The following SEL1L3 variants were observed in gnomAD, a reference collection of about 807,000 sequenced individuals.
SEL1L3 encodes SEL1L family member 3, also known as protein sel-1 homolog 3.
In SEL1L3, 76 loss-of-function variants were observed where a neutral mutation model predicts 142.8. The ratio of observed to expected loss-of-function variants is 0.53; its 90% CI spans 0.44 to 0.64. The LOEUF is 0.64. Ranked by LOEUF, SEL1L3 falls within the 30% of genes least tolerant of loss-of-function variation. SEL1L3 has a pLI of 0.00. For missense variants in SEL1L3, 1,262 were observed against 1,381.7 expected (o/e 0.91, Z 1.37); for synonymous variants, 504 against 519.6 (o/e 0.97, Z 0.41).
intron 1 of SEL1L3, among the ~76,000 whole-genome samples, chr4:25,861,329 TA>T (rs1717692655): frequency 6.6e-6 from 1 of 152,228 alleles, no homozygotes; most frequent in African/African-American, 2.4e-5. Flanking sequence ...AAATATGAAG[TA>T]AGCCCAACCA....
At chr4:25,832,947 T>C in intron 5 of SEL1L3, 48 bp downstream of exon 5, 1 of 1,203,072 alleles carries the variant, frequency 8.3e-7, no homozygotes, top group Non-Finnish European at 1.2e-6. Context: ...TGCTTAACTT[T>C]AAGCGAAAAT....
chr4:25,762,298 A>G (rs1200340042), intron 20 of SEL1L3, among the ~76,000 whole-genome samples: 1 of 152,234 alleles, frequency 6.6e-6, no homozygotes, highest in Non-Finnish European at 1.5e-5. Context: ...TTCTCAGATT[A>G]TAAGGAAAGT....
At chr4:25,765,468 A>T in intron 19 of SEL1L3, 33 bp from the exon 20 acceptor site, 1 of 1,459,664 alleles carries the variant, frequency 6.9e-7, no homozygotes, top group South Asian at 1.2e-5. Context: ...CCATTTGTCA[A>T]GTGGTTTTTT....
chr4:25,847,390 G>A lies in SEL1L3; in HGVS notation c.637C>T (p.Arg213Cys), dbSNP rs1426119802. The A allele has an allele frequency of 2.5e-6, 4 of 1,613,832 alleles. No homozygotes were observed. The highest frequency in any genetic ancestry group is 1.3e-5 in the African/African-American group (1 of 74,926). Residue 213 changes from arginine to cysteine, a missense_variant, in exon 2 of 24, where the codon CGC becomes TGC. Transcript: ENST00000399878. ...TLLQTIPPFE[R>C]PFKDHQVCLE... is the part of the protein sequence containing the mutation. ...CACACTTGATGATCTTTGAAAGGGC[G>A]TTCAAAAGGCGGGATGGTCTGCAGG...
chr4:25,832,257 A>G (rs1258939555), intron 5 of SEL1L3, among the ~76,000 whole-genome samples: 2 of 152,196 alleles, frequency 1.3e-5, no homozygotes, highest in East Asian at 1.9e-4. Context: ...CCACAAGACA[A>G]ACAAAATGCC....
At chr4:25,765,305 T>A in intron 20 of SEL1L3, 21 bp downstream of exon 20, 1 of 1,538,560 alleles carries the variant, frequency 6.5e-7, no homozygotes, top group Non-Finnish European at 9.0e-7. Flanking sequence ...AGAGCTGGTT[T>A]TTGTTGCGGT....
At chr4:25,791,436 T>C (rs11729395) in intron 11 of SEL1L3, among the ~76,000 whole-genome samples, 62,979 of 152,042 alleles carry the variant, frequency 0.41, 13,174 homozygotes, top group Admixed American at 0.48. Context: ...GTATAAACTT[T>C]CACTGTTTAT....
chr4:25,770,471 G>T (rs942025816), intron 17 of SEL1L3: 4 of 152,140 alleles, frequency 2.6e-5, no homozygotes, highest in South Asian at 2.1e-4. Flanking sequence ...CGAGCACAGT[G>T]GCTCATGCCT....
At chr4:25,827,540 T>G (rs545468399) in intron 6 of SEL1L3, among the ~76,000 whole-genome samples, 51 of 152,138 alleles carry the variant, frequency 3.4e-4, no homozygotes, top group Non-Finnish European at 6.9e-4. Flanking sequence ...CCTCTAAAAC[T>G]GAGATAATAC....
the SEL1L3 span, among the ~76,000 whole-genome samples, chr4:25,714,693 C>T: frequency 6.6e-6 from 1 of 151,544 alleles, no homozygotes; most frequent in South Asian, 2.1e-4. Context: ...GCCTCAGCCT[C>T]CTGAGTAGCT....
intron 5 of SEL1L3, among the ~76,000 whole-genome samples, chr4:25,831,125 T>A (rs922396927): frequency 6.6e-6 from 1 of 152,192 alleles, no homozygotes; most frequent in African/African-American, 2.4e-5. Context: ...TACTCAACTA[T>A]GTACTCCACC....
intron 9 of SEL1L3, among the ~76,000 whole-genome samples, chr4:25,813,834 T>C (rs1399191899): frequency 6.6e-6 from 1 of 152,240 alleles, no homozygotes; most frequent in African/African-American, 2.4e-5. Context: ...TCAAAGGTGC[T>C]GACCTCACTG....
At chr4:25,831,502 A>T (rs1468519679) in intron 5 of SEL1L3, among the ~76,000 whole-genome samples, 11 of 92,756 alleles carry the variant, frequency 1.2e-4, no homozygotes, top group African/African-American at 5.5e-4. Context: ...AATAATAATA[A>T]TAATAATAAT....
chr4:25,744,348 C>CTTTTTTTTTTTTTTTTT (rs35155388), downstream of SEL1L3, among the ~76,000 whole-genome samples: 25 of 101,440 alleles, frequency 2.5e-4, 4 homozygotes, highest in South Asian at 7.6e-4. Flanking sequence ...ATGTGTGAGT[C>CTTTTTTTTTTTTTTTTT]TTTTTTTTTT....
chr4:25,774,117 T>C (rs1191240090), intron 17 of SEL1L3, among the ~76,000 whole-genome samples: 1 of 152,064 alleles, frequency 6.6e-6, no homozygotes, highest in Non-Finnish European at 1.5e-5. Context: ...GCAATTGACA[T>C]GTAAAAAGCA....
At position 25,777,531 on chromosome 4, in the gene SEL1L3, A is replaced by G. The variant is rs1719717757; in HGVS notation, c.2586-1171T>C. 1.6e-5 allele frequency: 4 copies of G among 242,752 alleles called. No individual in the cohort carries two copies. The South Asian group carries it at 1.9e-4, about 12-fold the overall frequency. The allele number at this position is 242,752 out of a possible 1,614,324, so 15.0% of individuals were successfully genotyped here. The stretch of plus-strand genomic sequence containing the variant: ...ATGTAGATGTTGATCCAGCAAGTTC[A>G]GAAAGTGCACTCTTTTCAAAAAGCC... On this transcript the variant is annotated intron_variant, in intron 16 of 23. Coordinates refer to ENST00000399878, the MANE Select transcript of SEL1L3 (RefSeq NM_015187.5).
chr4:25,815,080 A>G (rs569193370), intron 9 of SEL1L3, among the ~76,000 whole-genome samples: 1 of 152,318 alleles, frequency 6.6e-6, no homozygotes, highest in Admixed American at 6.5e-5. Context: ...GGCCAGGGAA[A>G]GGCAGGGAGA....
chr4:25,745,731 C>T (rs1008575969), downstream of SEL1L3, among the ~76,000 whole-genome samples: 4 of 152,228 alleles, frequency 2.6e-5, no homozygotes, highest in Non-Finnish European at 5.9e-5. Flanking sequence ...CTCAAATGTC[C>T]ATAGTGCTGA....
chr4:25,736,971 C>CT, the SEL1L3 span, among the ~76,000 whole-genome samples: 68,843 of 149,276 alleles, frequency 0.46, 16,362 homozygotes, highest in East Asian at 0.67. Context: ...ATATGCTACT[C>CT]TTTTTTTTTC....
Sources: allele counts gnomAD v4.1 joint callset (sites outside exome capture counted in the v4.1 genomes callset), GRCh38; gene constraint gnomAD v4.1.1; transcripts MANE v1.5; gene names NCBI Gene and HGNC (gene_info 2026-07-23, HGNC 2026-07-21).